TM4SF4: variants seen among roughly 807,000 people sequenced by gnomAD.
TM4SF4 encodes the protein transmembrane 4 L6 family member 4.
A neutral mutation model predicts 24.1 loss-of-function variants in TM4SF4; 24 were observed. That is an observed-to-expected ratio of 1.00 (90% CI 0.72 to 1.40). The LOEUF (loss-of-function observed/expected upper bound fraction) is 1.40, where lower values mean the gene tolerates loss of function less well. Ranked by LOEUF, TM4SF4 falls within the 40% of genes most tolerant of loss-of-function variation. The pLI is 0.00. For missense variants in TM4SF4, 254 were observed against 254.2 expected (o/e 1.00, Z 0.01); for synonymous variants, 113 against 97.0 (o/e 1.17, Z -0.97).
At chr3:149,480,164 G>A (rs1380602447) in intron 2 of TM4SF4, among the ~76,000 whole-genome samples, 1 of 150,574 alleles carries the variant, frequency 6.6e-6, no homozygotes, top group Non-Finnish European at 1.5e-5. Flanking sequence ...TTGTTTTCAG[G>A]TCACAGCTTC....
At chr3:149,491,301 A>G (rs1346083873) in intron 3 of TM4SF4, among the ~76,000 whole-genome samples, 3 of 151,024 alleles carry the variant, frequency 2.0e-5, no homozygotes, top group African/African-American at 4.9e-5. Flanking sequence ...TCTACAAAAA[A>G]AAAAAATTAA....
At position 149,475,816 on chromosome 3, in the gene TM4SF4, C is replaced by T; in HGVS notation, c.175-7C>T. On this transcript the variant is annotated splice_region_variant and splice_polypyrimidine_tract_variant and intron_variant, in intron 1 of 4. Transcript: ENST00000305354. ...GACTCTCTCTGAGGTGCCTCTTCTC[C>T]TGGTAGATGATCTTCCCTGCGCTGG... 6.2e-7 allele frequency: 1 copy of T among 1,606,340 alleles called. No individual in the cohort carries two copies. The highest frequency in any genetic ancestry group is 8.5e-7 in the Non-Finnish European group (1 of 1,176,542).
chr3:149,474,931 T>C lies in TM4SF4; in HGVS notation c.54T>C (p.Ala18=). ...RCLGGTLIPL[A]FFGFLANILL... ...TGGGGGGGACCCTCATTCCCCTTGC[T>C]TTTTTTGGCTTCCTGGCTAACATCC... Residue 18 remains alanine (A), a synonymous_variant, in exon 1 of 5, where the codon GCT becomes GCC. Transcript: ENST00000305354. 1 of 1,612,992 alleles carries C rather than the reference T, an allele frequency of 6.2e-7. No homozygotes were observed. The highest frequency in any genetic ancestry group is 8.5e-7 in the Non-Finnish European group (1 of 1,179,434).
intron 3 of TM4SF4, among the ~76,000 whole-genome samples, chr3:149,494,216 T>G (rs1734269603): frequency 6.6e-6 from 1 of 152,094 alleles, no homozygotes; most frequent in African/African-American, 2.4e-5. Flanking sequence ...ACCAGAGAGT[T>G]TGAAGGGAGA....
chr3:149,476,814 GTT>G (rs67092416), intron 2 of TM4SF4, among the ~76,000 whole-genome samples: 3 of 81,210 alleles, frequency 3.7e-5, no homozygotes, highest in Non-Finnish European at 7.4e-5. Context: ...TTTTGTTTTT[GTT>G]TTTTTTTTTT....
intron 2 of TM4SF4, among the ~76,000 whole-genome samples, chr3:149,476,153 G>A (rs1428970266): frequency 6.6e-6 from 1 of 152,240 alleles, no homozygotes; most frequent in Non-Finnish European, 1.5e-5. Flanking sequence ...CGACAGGGAT[G>A]TCAGAACTGG....
chr3:149,475,753 T>G (rs1476624763), intron 1 of TM4SF4, 70 bp from the exon 2 acceptor site: 1 of 1,347,094 alleles, frequency 7.4e-7, no homozygotes, highest in Non-Finnish European at 1.0e-6. Context: ...GGGCTCCTTA[T>G]ACAGTCAGGC....
intron 2 of TM4SF4, among the ~76,000 whole-genome samples, chr3:149,480,669 A>C (rs1321275752): frequency 1.3e-5 from 2 of 152,078 alleles, no homozygotes; most frequent in Non-Finnish European, 2.9e-5. Flanking sequence ...AAGCATCCCT[A>C]ATCTACCTCC....
chr3:149,486,315 G>T (rs1458478965), intron 2 of TM4SF4, among the ~76,000 whole-genome samples: 2 of 152,250 alleles, frequency 1.3e-5, no homozygotes, highest in Middle Eastern at 3.4e-3. Flanking sequence ...AGGCTCTGAG[G>T]ACACATTCAT....
chr3:149,491,851 G>A (rs1362893412), intron 3 of TM4SF4, among the ~76,000 whole-genome samples: 2 of 152,170 alleles, frequency 1.3e-5, no homozygotes, highest in African/African-American at 4.8e-5. Flanking sequence ...GGCATGAAAA[G>A]GCTGACATGC....
chr3:149,487,683 C>T lies in TM4SF4; in HGVS notation c.329C>T (p.Ser110Leu), dbSNP rs1296694555. ...FLGAGYSFII[S>L]AISINKGPKC... is the part of the protein sequence containing the mutation. ...GGAGCTGGATACTCGTTTATCATCT[C>T]AGCCATTTCAATCAACAAGGGTCCT... The change falls in exon 3 of 5, where the codon TCA becomes TTA. Residue 110 changes from serine (S) to leucine (L), a missense_variant. Physicochemically the swap from Ser to Leu is moderately radical, Grantham distance 145. Coordinates refer to ENST00000305354, the MANE Select transcript of TM4SF4 (RefSeq NM_004617.4). 2 of 1,614,020 alleles carry T rather than the reference C, an allele frequency of 1.2e-6. No homozygotes were observed. Among genetic ancestry groups the T allele is most frequent in the Admixed American group, 1.7e-5 (1 of 60,024 alleles).
rs114713672 is a variant in TM4SF4 at position 149,486,217 on chromosome 3, C to T, written c.265-1402C>T. ...CATGAAAGGGGAAAGGGAAAATAGC[C>T]GACATTTAGCTTAAGCTGCCACGTC... is the stretch of plus-strand genomic sequence containing the variant. On this transcript the variant is annotated intron_variant, in intron 2 of 4. Coordinates refer to ENST00000305354, the MANE Select transcript of TM4SF4 (RefSeq NM_004617.4). 3.5e-3 allele frequency among the ~76,000 whole-genome samples: 536 copies of T among 152,142 alleles called. 5 individuals are homozygous for T. The highest frequency in any genetic ancestry group is 0.012 in the African/African-American group (518 of 41,512).
Position 149,474,834 on chromosome 3 carries a change from A to C in TM4SF4, c.-44A>C, listed in dbSNP as rs756768482. ...CTTGAAGAGGCCCCGTGAAGGAGGC[A>C]GTGAGGAGCTTTTGATTGCTGACCT... is the stretch of plus-strand genomic sequence containing the variant. On this transcript the variant is annotated 5_prime_UTR_variant, in exon 1 of 5. Coordinates refer to ENST00000305354, the MANE Select transcript of TM4SF4 (RefSeq NM_004617.4). 30 of 1,562,104 alleles carry C rather than the reference A, an allele frequency of 1.9e-5. No individual in the cohort carries two copies. The highest frequency in any genetic ancestry group is 2.5e-5 in the Non-Finnish European group (29 of 1,156,550).
intron 3 of TM4SF4, among the ~76,000 whole-genome samples, chr3:149,493,026 A>G (rs1226347043): frequency 6.6e-6 from 1 of 152,216 alleles, no homozygotes. Flanking sequence ...TGGGAGTAAC[A>G]GCAACATCCA....
chr3:149,477,693 A>G (rs1234412679), intron 2 of TM4SF4, among the ~76,000 whole-genome samples: 1 of 152,252 alleles, frequency 6.6e-6, no homozygotes, highest in African/African-American at 2.4e-5. Context: ...CATCATTTAC[A>G]AAGAGTTCTT....
chr3:149,488,912 C>T (rs928395502), intron 3 of TM4SF4, among the ~76,000 whole-genome samples: 3 of 152,170 alleles, frequency 2.0e-5, no homozygotes, highest in Admixed American at 1.3e-4. Flanking sequence ...ACTCAAACCT[C>T]TACGTATTCA....
At chr3:149,494,093 C>A (rs1734266628) in intron 3 of TM4SF4, among the ~76,000 whole-genome samples, 1 of 152,152 alleles carries the variant, frequency 6.6e-6, no homozygotes, top group Non-Finnish European at 1.5e-5. Context: ...GCTTCACTGC[C>A]AGGTCCATGA....
In TM4SF4 at chr3:149,498,797, C is replaced by T. The variant is rs764073511; in HGVS notation, c.477C>T (p.Leu159=). Reference sequence around the variant, plus strand: ...ATGTGGTTCCCTGGAATCTGACCCTCTTCTCCATCCTGCTGGTCGTAGGAG... The same window carrying T: ...ATGTGGTTCCCTGGAATCTGACCCTTTTCTCCATCCTGCTGGTCGTAGGAG... ...PLNVVPWNLT[L]FSILLVVGGI... is the part of the protein sequence containing the mutation. Residue 159 remains leucine, a synonymous_variant, in exon 4 of 5, where the codon CTC becomes CTT. Coordinates refer to ENST00000305354, the MANE Select transcript of TM4SF4 (RefSeq NM_004617.4). The T allele has an allele frequency of 1.9e-6, 3 of 1,614,030 alleles. No homozygotes were observed.
At position 149,498,870 on chromosome 3, in the gene TM4SF4, G is replaced by A; in HGVS notation, c.550G>A (p.Gly184Arg). The change falls in exon 4 of 5, where the codon GGG (glycine) becomes AGG (arginine). Residue 184 changes from glycine to arginine, a missense_variant. Physicochemically the swap from Gly to Arg is moderately radical, Grantham distance 125 (BLOSUM62 -2). Transcript: ENST00000305354. The stretch of plus-strand genomic sequence containing the variant: ...CATCCAGGTGGTCAATGGCCTCCTG[G>A]GGACCCTCTGTGGGGACTGCCAGTG... ...CAIQVVNGLL[G>R]TLCGDCQCCG... 6.2e-7 allele frequency: 1 copy of A among 1,613,944 alleles called. No individual in the cohort carries two copies. The highest frequency in any genetic ancestry group is 1.3e-5 in the African/African-American group (1 of 75,036).
Sources: gnomAD v4.1 joint callset for allele counts (sites outside exome capture counted in the v4.1 genomes callset) on GRCh38, gnomAD v4.1.1 for gene constraint, MANE v1.5 for transcripts, NCBI Gene and HGNC (gene_info 2026-07-23, HGNC 2026-07-21) for gene names.